The following DPH6 variants were observed in gnomAD, a reference collection of about 807,000 sequenced individuals.
DPH6 encodes the protein diphthine--ammonia ligase.
Under a neutral mutation model 38.2 loss-of-function variants are expected in DPH6, and 33 were observed. The observed-to-expected ratio is 0.86, with a 90% CI of 0.65 to 1.15. The LOEUF is 1.15. DPH6 is among the 50% of genes most tolerant of loss of function. The pLI, the probability that DPH6 is intolerant of heterozygous loss-of-function variation, is 0.00. For missense variants in DPH6, 325 were observed against 320.0 expected (o/e 1.02, Z -0.12); for synonymous variants, 108 against 103.0 (o/e 1.05, Z -0.30).
intron 3 of DPH6, among the ~76,000 whole-genome samples, chr15:35,458,270 A>G (rs572420548): frequency 6.6e-6 from 1 of 152,018 alleles, no homozygotes; most frequent in Non-Finnish European, 1.5e-5. Flanking sequence ...TTTCATTTTG[A>G]TGGACAAAGC....
In DPH6 at chr15:35,450,861, C is replaced by A; in HGVS notation, c.387-58G>T. 7 of 1,323,350 alleles carry A rather than the reference C, an allele frequency of 5.3e-6. No individual in the cohort carries two copies. The South Asian group carries it at 8.0e-5, about 15-fold the overall frequency. The allele number at this position is 1,323,350 out of a possible 1,614,324, so 82.0% of individuals were successfully genotyped here. On this transcript the variant is annotated intron_variant, in intron 4 of 8. Coordinates refer to ENST00000256538, the MANE Select transcript of DPH6 (RefSeq NM_080650.4). Reference sequence around the variant, plus strand: ...ATCTCTTAATGTTTTATACTTGGATCCACAGCAATTACTTTGATTTGAAAC... The same window carrying A: ...ATCTCTTAATGTTTTATACTTGGATACACAGCAATTACTTTGATTTGAAAC...
At chr15:35,492,893 G>C (rs2054503147) in intron 3 of DPH6, among the ~76,000 whole-genome samples, 1 of 151,690 alleles carries the variant, frequency 6.6e-6, no homozygotes, top group African/African-American at 2.4e-5. Flanking sequence ...TCAGAGCAAA[G>C]GTATAGAAAA....
chr15:35,404,746 C>T (rs2053268418), intron 6 of DPH6, among the ~76,000 whole-genome samples: 2 of 152,038 alleles, frequency 1.3e-5, no homozygotes, highest in Admixed American at 6.6e-5. Flanking sequence ...CATCTGTCCA[C>T]TATTGCTTTG....
At chr15:35,344,967 ATG>A (rs1467182776) in intron 3 of DPH6, among the ~76,000 whole-genome samples, 5 of 152,002 alleles carry the variant, frequency 3.3e-5, no homozygotes, top group Non-Finnish European at 5.9e-5. Flanking sequence ...GGGGAGGAAA[ATG>A]TTTTTTATGG....
At chr15:35,159,000 A>G in the DPH6 span, among the ~76,000 whole-genome samples, 1 of 152,034 alleles carries the variant, frequency 6.6e-6, no homozygotes. Context: ...ATATTTACTG[A>G]TTTTAAATGG....
exon 4 of DPH6, chr15:35,220,557 A>G (rs2051435983): frequency 6.6e-6 from 1 of 152,264 alleles, no homozygotes. Flanking sequence ...TTCTTGCTGC[A>G]TCATAACATG....
chr15:35,238,609 G>C (rs1382411702), intron 3 of DPH6, among the ~76,000 whole-genome samples: 1 of 152,172 alleles, frequency 6.6e-6, no homozygotes, highest in Admixed American at 6.5e-5. Context: ...TGTTGCCTAT[G>C]CAATTCCGTC....
intron 3 of DPH6, among the ~76,000 whole-genome samples, chr15:35,338,119 GGGCAAGGAC>G (rs2052388659): frequency 6.6e-6 from 1 of 152,096 alleles, no homozygotes; most frequent in East Asian, 1.9e-4. Flanking sequence ...ACATAGGCAT[GGGCAAGGAC>G]TTCACATCTA....
chr15:35,472,369 T>C (rs1236467937), intron 3 of DPH6, among the ~76,000 whole-genome samples: 1 of 152,154 alleles, frequency 6.6e-6, no homozygotes, highest in African/African-American at 2.4e-5. Flanking sequence ...GGAAGCTCAG[T>C]GGACCTGTCC....
chr15:35,150,401 T>G, the DPH6 span, among the ~76,000 whole-genome samples: 1 of 152,184 alleles, frequency 6.6e-6, no homozygotes, highest in Non-Finnish European at 1.5e-5. Flanking sequence ...CAGTAAGAAT[T>G]TATATGAACC....
intron 3 of DPH6, among the ~76,000 whole-genome samples, chr15:35,469,253 A>T (rs1595391531): frequency 6.6e-6 from 1 of 152,242 alleles, no homozygotes; most frequent in East Asian, 1.9e-4. Flanking sequence ...TACTTTTCTT[A>T]TTGGTAAAAT....
In DPH6 at chr15:35,538,455, T is replaced by C. The variant is rs774673219; in HGVS notation, c.131A>G (p.Glu44Gly). 1 of 1,541,200 alleles carries C rather than the reference T, an allele frequency of 6.5e-7. No individual in the cohort carries two copies. The highest frequency in any genetic ancestry group is 8.9e-7 in the Non-Finnish European group (1 of 1,128,768). The change falls in exon 3 of 9, where the codon GAA becomes GGA. Residue 44 changes from glutamate (E) to glycine (G), a missense_variant. Glu to Gly is a moderately conservative substitution (Grantham distance 98). Transcript: ENST00000256538. Reference protein sequence around the residue: ...RPAENQVGSDELDSYMYQTVG... With the variant: ...RPAENQVGSDGLDSYMYQTVG... Reference sequence around the variant, plus strand: ...TGTCTGATACATGTAGCTATCCAGTTCATCAGACCCCACTGCAACAATTAA... The same window carrying C: ...TGTCTGATACATGTAGCTATCCAGTCCATCAGACCCCACTGCAACAATTAA...
chr15:35,436,490 A>AAAC (rs1354589608), intron 5 of DPH6, among the ~76,000 whole-genome samples: 3,829 of 39,466 alleles, frequency 0.097, 142 homozygotes, highest in East Asian at 0.34. Flanking sequence ...AAAACAAAAC[A>AAAC]AAACAAAACA....
At chr15:35,280,836 C>T (rs1595459294) in intron 3 of DPH6, among the ~76,000 whole-genome samples, 1 of 152,112 alleles carries the variant, frequency 6.6e-6, no homozygotes, top group East Asian at 1.9e-4. Flanking sequence ...TTCAAGTTTT[C>T]TCAGATATTA....
chr15:35,544,241 C>T lies in DPH6; in HGVS notation c.24-1734G>A, dbSNP rs182922132. Among the ~76,000 whole-genome samples the T allele has an allele frequency of 2.7e-5, 4 of 150,240 alleles. No homozygotes were observed. The Admixed American group carries it at 2.7e-4, about 10-fold the overall frequency. On this transcript the variant is annotated intron_variant, in intron 1 of 8. Coordinates refer to ENST00000256538, the MANE Select transcript of DPH6 (RefSeq NM_080650.4). ...ATGAATGGTCTGCCTGGATAATCCT[C>T]AAAATAACATTCAACTATAAAATTC... is the stretch of plus-strand genomic sequence containing the variant.
In DPH6 at chr15:35,433,168, T is replaced by C. The variant is rs143027770; in HGVS notation, c.505+17517A>G. Reference sequence around the variant, plus strand: ...ATTGTTTAAAGAGAAGCAATATATATAACTAATAGTATTTAACTGTAAAGT... The same window carrying C: ...ATTGTTTAAAGAGAAGCAATATATACAACTAATAGTATTTAACTGTAAAGT... On this transcript the variant is annotated intron_variant, in intron 5 of 8. Transcript: ENST00000256538. Among the ~76,000 whole-genome samples the C allele has an allele frequency of 3.7e-3, 567 of 152,318 alleles. 2 individuals are homozygous for C. The highest frequency in any genetic ancestry group is 0.012 in the African/African-American group (516 of 41,562).
At chr15:35,331,570 G>C (rs1369122199) in intron 3 of DPH6, among the ~76,000 whole-genome samples, 3 of 152,180 alleles carry the variant, frequency 2.0e-5, no homozygotes, top group African/African-American at 7.2e-5. Flanking sequence ...TGTCCCAAAA[G>C]AGAGTCTAAC....
chr15:35,302,540 T>A (rs2052061435), intron 3 of DPH6, among the ~76,000 whole-genome samples: 1 of 152,192 alleles, frequency 6.6e-6, no homozygotes, highest in African/African-American at 2.4e-5. Context: ...CCATAAAATA[T>A]GACACAGGCA....
chr15:35,157,657 T>C, the DPH6 span, among the ~76,000 whole-genome samples: 1 of 152,082 alleles, frequency 6.6e-6, no homozygotes, highest in Admixed American at 6.6e-5. Context: ...CTCCTATGCA[T>C]GTACAATCAA....
Sources: allele counts gnomAD v4.1 joint callset (sites outside exome capture counted in the v4.1 genomes callset), GRCh38; gene constraint gnomAD v4.1.1; transcripts MANE v1.5; gene names NCBI Gene and HGNC (gene_info 2026-07-23, HGNC 2026-07-21).